Variants in STK35 observed in about 807,000 individuals in gnomAD.
The protein encoded by STK35 is serine/threonine kinase 35.
STK35 carries 17 observed loss-of-function variants against 37.3 expected under a neutral mutation model. That is an observed-to-expected ratio of 0.46 (90% CI 0.31 to 0.68). The LOEUF is 0.68. Among genes scored for constraint, STK35 ranks in the 30% least tolerant of loss-of-function variants. The pLI, the probability that STK35 is intolerant of heterozygous loss-of-function variation, is 0.05. For synonymous variants in STK35, 385 were observed against 319.1 expected (o/e 1.21, Z -2.20); for missense variants, 595 against 746.7 (o/e 0.80, Z 2.37).
At chr20:2,129,566 G>A (rs1484099447) in intron 3 of STK35, among the ~76,000 whole-genome samples, 1 of 152,144 alleles carries the variant, frequency 6.6e-6, no homozygotes, top group African/African-American at 2.4e-5. Flanking sequence ...TTGATCAACT[G>A]TGTGTTGGGC....
intron 2 of STK35, among the ~76,000 whole-genome samples, chr20:2,112,292 C>A (rs1239161331): frequency 1.3e-5 from 2 of 152,330 alleles, no homozygotes; most frequent in East Asian, 3.9e-4. Context: ...TTATTGGGAA[C>A]TTAAGCACTA....
At chr20:2,118,009 A>C (rs1309340496) in intron 3 of STK35, among the ~76,000 whole-genome samples, 1 of 152,180 alleles carries the variant, frequency 6.6e-6, no homozygotes, top group Non-Finnish European at 1.5e-5. Context: ...ATAAATGCTC[A>C]CTGTAGAAAA....
At chr20:2,138,708 T>G (rs186441074) in intron 3 of STK35, among the ~76,000 whole-genome samples, 154 of 152,266 alleles carry the variant, frequency 1.0e-3, no homozygotes, top group African/African-American at 3.0e-3. Flanking sequence ...ACTTTCATCA[T>G]CATTTCATCA....
At position 2,102,786 on chromosome 20, in the gene STK35, G is replaced by A. The variant is rs561044658; in HGVS notation, c.313G>A (p.Ala105Thr). 784 of 1,469,664 alleles carry A rather than the reference G, an allele frequency of 5.3e-4. 7 individuals carry two copies. The African/African-American group carries it at 0.01, about 20-fold the overall frequency. 91.0% of individuals were successfully genotyped at this position (1,469,664 alleles called of 1,614,324 possible). A position where few individuals can be genotyped will look rare whatever the true frequency, so the allele number is the denominator to read the frequency against. The change falls in exon 2 of 4, where the codon GCT (alanine) becomes ACT (threonine). Residue 105 changes from alanine (A) to threonine (T), a missense_variant. By Grantham distance (58) the Ala-to-Thr change is moderately conservative (BLOSUM62 0). Transcript: ENST00000381482. ...CCCGCAGGTCACAATCCAAGGTCCGGCTCCTCCGCGTCCCAGGGCCGGACG... is the reference window on the plus strand; with the variant it reads ...CCCGCAGGTCACAATCCAAGGTCCGACTCCTCCGCGTCCCAGGGCCGGACG... ...CAGQVTIQGP[A>T]PPRPRAGRRD... is the part of the protein sequence containing the mutation.
At position 2,146,753 on chromosome 20, in the gene STK35, C is replaced by T. The variant is rs1230640383; in HGVS notation, c.*3007C>T. The T allele has an allele frequency of 6.5e-6, 1 of 152,866 alleles. No homozygotes were observed. The highest frequency in any genetic ancestry group is 6.5e-5 in the Admixed American group (1 of 15,290). The allele number at this position is 152,866 out of a possible 1,614,324, so 9.5% of individuals were successfully genotyped here. A position where few individuals can be genotyped will look rare whatever the true frequency, so the allele number is the denominator to read the frequency against. Reference sequence around the variant, plus strand: ...TTCCTGAGGGCTGTAGCCAGGTCCGCATCTCCCCACCACCACCAGGGCACT... The same window carrying T: ...TTCCTGAGGGCTGTAGCCAGGTCCGTATCTCCCCACCACCACCAGGGCACT... On this transcript the variant is annotated 3_prime_UTR_variant, in exon 4 of 4. Coordinates refer to ENST00000381482, the MANE Select transcript of STK35 (RefSeq NM_080836.4).
In STK35 at chr20:2,146,727, CT is replaced by C. The variant is rs1986275347; in HGVS notation, c.*2983del. 1 of 152,890 alleles carries C rather than the reference CT, an allele frequency of 6.5e-6. No individual in the cohort carries two copies. Among genetic ancestry groups the C allele is most frequent in the East Asian group, 1.9e-4 (1 of 5,188 alleles). The allele number at this position is 152,890 out of a possible 1,614,324, so 9.5% of individuals were successfully genotyped here. On this transcript the variant is annotated 3_prime_UTR_variant, in exon 4 of 4. Transcript: ENST00000381482. ...GGATCACCCTCACCCCCAACACCCT[CT>C]TCCTGAGGGCTGTAGCCAGGTCCGC...
intron 2 of STK35, 29 bp downstream of exon 2, chr20:2,103,394 C>G: frequency 6.3e-7 from 1 of 1,593,112 alleles, no homozygotes; most frequent in Non-Finnish European, 8.6e-7. Context: ...TTTCCACCCA[C>G]GCAGGGCCTG....
chr20:2,143,187 C>T (rs1449445745), intron 3 of STK35, among the ~76,000 whole-genome samples: 1 of 152,208 alleles, frequency 6.6e-6, no homozygotes, highest in East Asian at 1.9e-4. Flanking sequence ...CCACAGTGCA[C>T]TGCAGCAGAC....
intron 3 of STK35, among the ~76,000 whole-genome samples, chr20:2,134,260 C>CAAA (rs34068371): frequency 2.5e-5 from 3 of 119,190 alleles, no homozygotes; most frequent in Non-Finnish European, 4.9e-5. Flanking sequence ...ACTCCGTCTC[C>CAAA]AAAAAAAAAA....
At chr20:2,106,055 CA>C (rs1985509533) in intron 2 of STK35, among the ~76,000 whole-genome samples, 1 of 152,206 alleles carries the variant, frequency 6.6e-6, no homozygotes, top group African/African-American at 2.4e-5. Flanking sequence ...AAATGACATT[CA>C]AGCTGACTTG....
At chr20:2,126,354 G>C (rs1985906509) in intron 3 of STK35, among the ~76,000 whole-genome samples, 1 of 152,202 alleles carries the variant, frequency 6.6e-6, no homozygotes, top group Admixed American at 6.5e-5. Flanking sequence ...TAGAGATACA[G>C]GAGGACAGGA....
At chr20:2,107,524 G>A (rs1031379498) in intron 2 of STK35, among the ~76,000 whole-genome samples, 2 of 152,182 alleles carry the variant, frequency 1.3e-5, no homozygotes, top group Admixed American at 6.5e-5. Context: ...TGCAGAGGAC[G>A]CATGCCCACA....
At chr20:2,109,617 T>C (rs1323281726) in intron 2 of STK35, among the ~76,000 whole-genome samples, 1 of 152,234 alleles carries the variant, frequency 6.6e-6, no homozygotes, top group Non-Finnish European at 1.5e-5. Context: ...GTCCATGTTC[T>C]TGACAGGCTG....
At chr20:2,103,942 T>A (rs1985462792) in intron 2 of STK35, among the ~76,000 whole-genome samples, 1 of 152,168 alleles carries the variant, frequency 6.6e-6, no homozygotes, top group Non-Finnish European at 1.5e-5. Flanking sequence ...GTCTTCTGGC[T>A]TGGTCCTCTG....
Position 2,102,708 on chromosome 20 carries a change from G to A in STK35, c.295-60G>A, listed in dbSNP as rs1985420025. 4 of 1,311,514 alleles carry A rather than the reference G, an allele frequency of 3.0e-6. No individual in the cohort carries two copies. The African/African-American group carries it at 4.6e-5, about 15-fold the overall frequency. The allele number at this position is 1,311,514 out of a possible 1,614,324, so 81.2% of individuals were successfully genotyped here. A position where few individuals can be genotyped will look rare whatever the true frequency, so the allele number is the denominator to read the frequency against. ...GGAGGAGGAGGTGGGACGCCCCGCG[G>A]CCTACGCTCCTGGCCTCCCCGCCTT... is the stretch of plus-strand genomic sequence containing the variant. On this transcript the variant is annotated intron_variant, in intron 1 of 3. Coordinates refer to ENST00000381482, the MANE Select transcript of STK35 (RefSeq NM_080836.4).
chr20:2,115,916 A>G (rs987929746), intron 2 of STK35, among the ~76,000 whole-genome samples: 2 of 151,478 alleles, frequency 1.3e-5, no homozygotes, highest in African/African-American at 4.9e-5. Context: ...CACTGTTTAT[A>G]TGAGTTGACC....
chr20:2,114,576 G>T (rs1368073149), intron 2 of STK35, among the ~76,000 whole-genome samples: 1 of 152,148 alleles, frequency 6.6e-6, no homozygotes, highest in Non-Finnish European at 1.5e-5. Context: ...TCAACAAACA[G>T]CCCCTCCTGT....
chr20:2,102,656 C>T (rs1163864635), intron 1 of STK35, 112 bp from the exon 2 acceptor site: 11 of 1,030,472 alleles, frequency 1.1e-5, no homozygotes, highest in African/African-American at 1.7e-5. Context: ...CGGTGGCTTC[C>T]GTCTTAAAGG....
chr20:2,142,336 G>T (rs886930050), intron 3 of STK35, among the ~76,000 whole-genome samples: 19 of 152,168 alleles, frequency 1.2e-4, no homozygotes, highest in African/African-American at 4.6e-4. Flanking sequence ...CTATCCTGCT[G>T]CCTCTTGGGA....
Sources: allele counts gnomAD v4.1 joint callset (sites outside exome capture counted in the v4.1 genomes callset), GRCh38; gene constraint gnomAD v4.1.1; transcripts MANE v1.5; gene names NCBI Gene and HGNC (gene_info 2026-07-23, HGNC 2026-07-21).